CHD4: variants seen among roughly 807,000 people sequenced by gnomAD.
CHD4 encodes chromodomain helicase DNA binding protein 4, also known as ATP-dependent chromatin remodeler CHD4.
CHD4 carries 35 observed loss-of-function variants against 235.5 expected under a neutral mutation model. The ratio of observed to expected loss-of-function variants is 0.15; its 90% confidence interval spans 0.11 to 0.20. The LOEUF is 0.20. Ranked by LOEUF, CHD4 falls within the 10% of genes least tolerant of loss-of-function variation. The pLI is 1.00. For missense variants in CHD4, 1,329 were observed against 2,432.3 expected (o/e 0.55, Z 9.54); for synonymous variants, 900 against 850.2 (o/e 1.06, Z -1.02).
chr12:6,586,866 T>A (rs1465997619), intron 25 of CHD4: 1 of 152,526 alleles, frequency 6.6e-6, no homozygotes, highest in Non-Finnish European at 1.5e-5. Context: ...CCTGGCTAAT[T>A]TTTTTATTTT....
chr12:6,582,554 A>G, intron 29 of CHD4, 61 bp downstream of exon 29: 1 of 1,550,264 alleles, frequency 6.5e-7, no homozygotes, highest in Non-Finnish European at 8.7e-7. Context: ...GAACCATGGA[A>G]TGACCAGATA....
Position 6,600,573 on chromosome 12 carries a change from T to A in CHD4, c.1024A>T (p.Ser342Cys). The change falls in exon 8 of 40, where the codon AGC (serine) becomes TGC (cysteine). Residue 342 changes from serine (S) to cysteine (C), a missense_variant. By Grantham distance (112) the Ser-to-Cys change is moderately radical. Coordinates refer to ENST00000544040, the MANE Select transcript of CHD4 (RefSeq NM_001273.5). The part of the protein sequence containing the change: ...SDGSTSRSSR[S>C]RKKLRTTKKK... ...TTAGTGGTTCGGAGTTTCTTGCGGC[T>A]GCGGCTACTACGGCTGGTGGAACCA... 6.2e-7 allele frequency: 1 copy of A among 1,614,102 alleles called. No individual in the cohort carries two copies. Among genetic ancestry groups the A allele is most frequent in the Non-Finnish European group, 8.5e-7 (1 of 1,180,028 alleles).
rs773073170 is a variant in CHD4, at chr12:6,606,261, G to A, written c.100+13C>T. The A allele has an allele frequency of 3.8e-5, 58 of 1,544,182 alleles. No homozygotes were observed. Among genetic ancestry groups the A allele is most frequent in the African/African-American group, 5.6e-5 (4 of 71,452 alleles). ...GTCTCCTTCCCGCCATGGGCCCTTG[G>A]GGAAGATGTTACCTGGGTGGGGTGG... On this transcript the variant is annotated intron_variant, in intron 2 of 39. Coordinates refer to ENST00000544040, the MANE Select transcript of CHD4 (RefSeq NM_001273.5).
chr12:6,593,717 T>G lies in CHD4; in HGVS notation c.2314-101A>C. The stretch of plus-strand genomic sequence containing the variant: ...TGCCCCCTCAAGCTGAGCCAAGGAC[T>G]GACACACCTGCGCTGCTGCTCCTGC... On this transcript the variant is annotated intron_variant, in intron 15 of 39. Coordinates refer to ENST00000544040, the MANE Select transcript of CHD4 (RefSeq NM_001273.5). This position sits in a 1 kb window ranked among gnomAD's most constrained non-coding sequence, Gnocchi z 4.9. 9.9e-7 allele frequency: 1 copy of G among 1,011,148 alleles called. No homozygotes were observed. Among genetic ancestry groups the G allele is most frequent in the Admixed American group, 2.1e-5 (1 of 46,606 alleles). 62.6% of individuals were successfully genotyped at this position (1,011,148 alleles called of 1,614,324 possible).
chr12:6,606,240 C>G, intron 2 of CHD4, 34 bp downstream of exon 2: 3 of 1,420,082 alleles, frequency 2.1e-6, no homozygotes, highest in Non-Finnish European at 2.9e-6. Flanking sequence ...CCAGATGTCT[C>G]CTTCCCGCCA....
chr12:6,601,776 G>A lies in CHD4; in HGVS notation c.439-10C>T. 2 of 1,612,416 alleles carry A rather than the reference G, an allele frequency of 1.2e-6. No homozygotes were observed. Among genetic ancestry groups the A allele is most frequent in the Non-Finnish European group, 1.7e-6 (2 of 1,178,552 alleles). ...CAGATGATTTAGGCTCCTGCAGAAA[G>A]AGCAAAGTCAAGTAAGTACCTGCCA... On this transcript the variant is annotated splice_polypyrimidine_tract_variant and intron_variant, in intron 4 of 39. Transcript: ENST00000544040.
At chr12:6,601,589 A>C in intron 5 of CHD4, 59 bp from the exon 6 acceptor site, 2 of 1,613,004 alleles carry the variant, frequency 1.2e-6, no homozygotes, top group South Asian at 1.1e-5. Context: ...AAGAAAGAGA[A>C]GTAAGAAGAG....
intron 2 of CHD4, among the ~76,000 whole-genome samples, chr12:6,604,297 C>G (rs558384123): frequency 6.6e-6 from 1 of 151,952 alleles, no homozygotes; most frequent in African/African-American, 2.4e-5. Context: ...AAAATAATAT[C>G]CCTCCTTCAA....
chr12:6,578,999 C>T, intron 33 of CHD4, 82 bp from the exon 34 acceptor site: 4 of 1,303,522 alleles, frequency 3.1e-6, no homozygotes, highest in East Asian at 2.3e-5. Context: ...ATTGGATAGA[C>T]CCACATCTAA....
At position 6,601,419 on chromosome 12, in the gene CHD4, C is replaced by A; in HGVS notation, c.669G>T (p.Gly223=). 1.2e-6 allele frequency: 2 copies of A among 1,614,150 alleles called. No homozygotes were observed. The highest frequency in any genetic ancestry group is 4.5e-5 in the East Asian group (2 of 44,868). The stretch of plus-strand genomic sequence containing the variant: ...CTGCTGCCGCAGCTGCCACTGATGC[C>A]CCAGAACTGCCTTTGAAGGGGTTAT... The part of the protein sequence containing the change: ...STNNPFKGSS[G]ASVAAAAAAA... Residue 223 remains glycine (G), a synonymous_variant, in exon 6 of 40, where the codon GGG becomes GGT. Transcript: ENST00000544040.
intron 37 of CHD4, among the ~76,000 whole-genome samples, chr12:6,576,021 C>T (rs918785284): frequency 1.3e-5 from 2 of 152,104 alleles, no homozygotes; most frequent in African/African-American, 4.8e-5. Flanking sequence ...TTGTGAGTTC[C>T]GTCCCTACTC....
Position 6,578,927 on chromosome 12 carries a change from G to T in CHD4, c.4910-10C>A, listed in dbSNP as rs769744614. 6.2e-7 allele frequency: 1 copy of T among 1,613,168 alleles called. No individual in the cohort carries two copies. Among genetic ancestry groups the T allele is most frequent in the Non-Finnish European group, 8.5e-7 (1 of 1,179,144 alleles). The stretch of plus-strand genomic sequence containing the variant: ...TCTACATCAGCAGCACCTAGGGGAA[G>T]AAATGTTATTGAGACTATACCTAAA... On this transcript the variant is annotated splice_polypyrimidine_tract_variant and intron_variant, in intron 33 of 39. Coordinates refer to ENST00000544040, the MANE Select transcript of CHD4 (RefSeq NM_001273.5).
chr12:6,591,433 A>G, intron 22 of CHD4, 33 bp downstream of exon 22: 11 of 1,539,160 alleles, frequency 7.1e-6, no homozygotes, highest in Non-Finnish European at 9.8e-6. Context: ...GCAAATGAGG[A>G]TTCCTGAAAC....
chr12:6,577,950 AG>A (rs1460489749), intron 36 of CHD4, 33 bp from the exon 37 acceptor site: 1 of 1,613,000 alleles, frequency 6.2e-7, no homozygotes, highest in Non-Finnish European at 8.5e-7. Context: ...AAACAAAACA[AG>A]GAAAGTAAGA....
At chr12:6,572,642 C>T (rs1269715671) in intron 38 of CHD4, among the ~76,000 whole-genome samples, 1 of 132,488 alleles carries the variant, frequency 7.5e-6, no homozygotes, top group African/African-American at 3.8e-5. Context: ...CTGCAAACTC[C>T]GCCTCCCGGG....
chr12:6,599,715 C>G, intron 10 of CHD4, 58 bp downstream of exon 10: 1 of 1,608,014 alleles, frequency 6.2e-7, no homozygotes, highest in Non-Finnish European at 8.5e-7. Context: ...TCACAATAGC[C>G]TACATAGAAA....
chr12:6,575,157 A>G (rs1276779370), intron 37 of CHD4, among the ~76,000 whole-genome samples: 2 of 152,316 alleles, frequency 1.3e-5, no homozygotes, highest in African/African-American at 4.8e-5. Flanking sequence ...CCTTTAATAG[A>G]AAAGGTGTGG....
intron 10 of CHD4, among the ~76,000 whole-genome samples, chr12:6,598,695 G>C (rs1012925839): frequency 1.3e-5 from 2 of 152,200 alleles, no homozygotes; most frequent in Non-Finnish European, 2.9e-5. Context: ...TGTAGTCCCA[G>C]CTACTTGGGA....
intron 30 of CHD4, 150 bp from the exon 31 acceptor site, chr12:6,581,964 A>T: frequency 8.6e-7 from 1 of 1,160,334 alleles, no homozygotes; most frequent in Non-Finnish European, 1.2e-6. Flanking sequence ...CACCACGTGC[A>T]GCTAATTTTT....
Sources: gnomAD v4.1 joint callset for allele counts (sites outside exome capture counted in the v4.1 genomes callset) on GRCh38, gnomAD v4.1.1 for gene constraint, Gnocchi (gnomAD v3.1) non-coding constraint, MANE v1.5 for transcripts, NCBI Gene and HGNC (gene_info 2026-07-23, HGNC 2026-07-21) for gene names.